The following USP39 variants were observed in gnomAD, a reference collection of about 807,000 sequenced individuals.
USP39 encodes ubiquitin specific peptidase 39.
A neutral mutation model predicts 66.4 loss-of-function variants in USP39; 38 were observed. That is an observed-to-expected ratio of 0.57 (90% CI 0.44 to 0.75). The LOEUF is 0.75. USP39 is among the 30% of genes least tolerant of loss of function. The probability of loss-of-function intolerance (pLI) is 0.00; values close to 1 mark genes in which losing one functional copy is unlikely to be tolerated. For synonymous variants in USP39, 303 were observed against 274.6 expected (o/e 1.10, Z -1.02); for missense variants, 608 against 714.4 (o/e 0.85, Z 1.70).
intron 2 of USP39, among the ~76,000 whole-genome samples, chr2:85,620,856 C>T (rs1440982136): frequency 6.6e-6 from 1 of 151,520 alleles, no homozygotes; most frequent in African/African-American, 2.5e-5. Context: ...TTTGTGGATT[C>T]AGTGGAGATA....
Position 85,632,518 on chromosome 2 carries a change from G to T in USP39, c.949+1572G>T, listed in dbSNP as rs531753317. On this transcript the variant is annotated intron_variant, in intron 6 of 12. Transcript: ENST00000323701. Reference sequence around the variant, plus strand: ...GCTGGAGTGCAATGGTGTGATCTCGGCTCGCTGCAACCTCCGCCTCCTGGG... The same window carrying T: ...GCTGGAGTGCAATGGTGTGATCTCGTCTCGCTGCAACCTCCGCCTCCTGGG... 1.5e-4 allele frequency among the ~76,000 whole-genome samples: 22 copies of T among 150,960 alleles called. No individual in the cohort carries two copies. The East Asian group carries it at 4.1e-3, about 28-fold the overall frequency.
rs142166614 is a variant in USP39, at chr2:85,639,124, C to T, written c.1096-79C>T. On this transcript the variant is annotated intron_variant, in intron 8 of 12. Transcript: ENST00000323701. Reference sequence around the variant, plus strand: ...TTCTTTCAGATGAAGGAAATGTCGGCGTGGTAAAACATCGGTTCTGTGTTG... The same window carrying T: ...TTCTTTCAGATGAAGGAAATGTCGGTGTGGTAAAACATCGGTTCTGTGTTG... 1.3e-4 allele frequency: 183 copies of T among 1,361,922 alleles called. 1 individual carries two copies. The African/African-American group carries it at 2.2e-3, about 16-fold the overall frequency. 84.4% of individuals were successfully genotyped at this position (1,361,922 alleles called of 1,614,324 possible).
At chr2:85,635,424 G>T (rs1448991787) in intron 6 of USP39, among the ~76,000 whole-genome samples, 1 of 152,180 alleles carries the variant, frequency 6.6e-6, no homozygotes, top group African/African-American at 2.4e-5. Flanking sequence ...GCTGGGCATG[G>T]TAGCAGGCAC....
intron 1 of USP39, chr2:85,606,967 A>T (rs1272868264): frequency 6.6e-6 from 1 of 151,904 alleles, no homozygotes; most frequent in Non-Finnish European, 1.5e-5. Context: ...TTGTATTTTT[A>T]GTAGAGACGG....
intron 10 of USP39, among the ~76,000 whole-genome samples, chr2:85,643,157 G>T (rs1339113230): frequency 6.6e-6 from 1 of 151,604 alleles, no homozygotes; most frequent in East Asian, 1.9e-4. Flanking sequence ...CTCTTTTGCC[G>T]CATGGACAGT....
rs760520325 is a variant in USP39 at position 85,616,249 on chromosome 2, G to A, written c.54G>A (p.Glu18=). The stretch of plus-strand genomic sequence containing the variant: ...GCGGTTCCACTCGCGGGAAGCGAGA[G>A]TCTGAGTCGCGGGGCAGCTCCGGTC... The part of the protein sequence containing the change: ...ESRGSTRGKR[E]SESRGSSGRV... Residue 18 remains glutamate, a synonymous_variant, in exon 1 of 13, where the codon GAG becomes GAA. Transcript: ENST00000323701. 6 of 1,508,082 alleles carry A rather than the reference G, an allele frequency of 4.0e-6. No individual in the cohort carries two copies. The highest frequency in any genetic ancestry group is 4.4e-6 in the Non-Finnish European group (5 of 1,126,204). 93.4% of individuals were successfully genotyped at this position (1,508,082 alleles called of 1,614,324 possible). A position where few individuals can be genotyped will look rare whatever the true frequency, so the allele number is the denominator to read the frequency against.
chr2:85,638,534 TAA>T (rs199784995), intron 8 of USP39, among the ~76,000 whole-genome samples: 2,957 of 151,942 alleles, frequency 0.019, 108 homozygotes, highest in African/African-American at 0.067. Flanking sequence ...TTTAATTAAT[TAA>T]TTAATTTATT....
At chr2:85,622,112 G>T (rs1223887954) in intron 3 of USP39, among the ~76,000 whole-genome samples, 2 of 151,160 alleles carry the variant, frequency 1.3e-5, no homozygotes, top group Non-Finnish European at 2.9e-5. Flanking sequence ...GAGCCACCGC[G>T]CCCGGCCTAA....
intron 10 of USP39, among the ~76,000 whole-genome samples, chr2:85,643,885 T>C (rs1676441104): frequency 6.6e-6 from 1 of 151,978 alleles, no homozygotes; most frequent in South Asian, 2.1e-4. Flanking sequence ...ACTCCTGAGC[T>C]CAGGCAGTCT....
intron 5 of USP39, among the ~76,000 whole-genome samples, chr2:85,627,795 C>T (rs1674993172): frequency 6.6e-6 from 1 of 152,082 alleles, no homozygotes. Context: ...AGCCACTGCA[C>T]CTAGCCTTGG....
rs781076069 is a variant in USP39 at position 85,616,427 on chromosome 2, G to A, written c.232G>A (p.Val78Ile). 9.4e-6 allele frequency: 15 copies of A among 1,588,558 alleles called. No individual in the cohort carries two copies. Among genetic ancestry groups the A allele is most frequent in the Non-Finnish European group, 1.2e-5 (14 of 1,164,480 alleles). Residue 78 changes from valine (V) to isoleucine (I), a missense_variant, in exon 1 of 13, where the codon GTC becomes ATC. Transcript: ENST00000323701. ...TGTGCGGGTGAAGCGGGAGCGCGAG[G>A]TCGATGAGGACTCGGAGCCTGAGCG... Reference protein sequence around the residue: ...PFVRVKREREVDEDSEPEREV... With the variant: ...PFVRVKREREIDEDSEPEREV...
chr2:85,625,165 A>G (rs961033713), intron 4 of USP39, among the ~76,000 whole-genome samples: 2 of 151,864 alleles, frequency 1.3e-5, no homozygotes, highest in African/African-American at 2.4e-5. Context: ...AGTGGAGGAA[A>G]CTCTCCTGCT....
chr2:85,628,339 G>T (rs528493136), intron 5 of USP39, among the ~76,000 whole-genome samples: 2 of 152,034 alleles, frequency 1.3e-5, no homozygotes, highest in African/African-American at 2.4e-5. Context: ...TAGAGACGGG[G>T]TTTCATTGTG....
intron 4 of USP39, 30 bp downstream of exon 4, chr2:85,623,812 C>T (rs112917525): frequency 6.3e-7 from 1 of 1,591,184 alleles, no homozygotes. Flanking sequence ...GGTTTGGGGT[C>T]CATTCTTTAA....
At chr2:85,615,752 T>A (rs1673875754), upstream of USP39, among the ~76,000 whole-genome samples, 1 of 152,216 alleles carries the variant, frequency 6.6e-6, no homozygotes, top group South Asian at 2.1e-4. Context: ...TGCCTTAGCC[T>A]CCCGAGTAGC....
At chr2:85,612,153 G>A (rs1353542012), upstream of USP39, 3 of 877,590 alleles carry the variant, frequency 3.4e-6, no homozygotes, top group East Asian at 8.0e-5. Context: ...TTTCGGGTCT[G>A]GTCGGGTCGG....
intron 9 of USP39, among the ~76,000 whole-genome samples, chr2:85,640,019 T>C (rs1282579469): frequency 6.6e-6 from 1 of 151,796 alleles, no homozygotes; most frequent in African/African-American, 2.4e-5. Flanking sequence ...TAGCTGGGAC[T>C]AGACACACTC....
chr2:85,616,755 G>A (rs1674005932), intron 1 of USP39, among the ~76,000 whole-genome samples: 1 of 146,132 alleles, frequency 6.8e-6, no homozygotes, highest in Non-Finnish European at 1.5e-5. Flanking sequence ...TCGGCTCACT[G>A]CAACCTCTGC....
At chr2:85,604,501 C>G (rs1247580154) in intron 1 of USP39, among the ~76,000 whole-genome samples, 1 of 152,098 alleles carries the variant, frequency 6.6e-6, no homozygotes, top group South Asian at 2.1e-4. Context: ...TGTGAACCAC[C>G]GTGCCCAGCG....
Sources: allele counts gnomAD v4.1 joint callset (sites outside exome capture counted in the v4.1 genomes callset), GRCh38; gene constraint gnomAD v4.1.1; transcripts MANE v1.5; gene names NCBI Gene and HGNC (gene_info 2026-07-23, HGNC 2026-07-21).